Variants in IMPG2 observed in about 807,000 individuals in gnomAD.
IMPG2 encodes interphotoreceptor matrix proteoglycan 2, also known as IPM 200.
Under a neutral mutation model 129.2 loss-of-function variants are expected in IMPG2, and 91 were observed. That is an observed-to-expected ratio of 0.70 (90% confidence interval 0.59 to 0.84). IMPG2 has a LOEUF of 0.84. Ranked by LOEUF, IMPG2 falls within the 40% of genes least tolerant of loss-of-function variation. The probability of loss-of-function intolerance (pLI) is 0.00; values close to 1 mark genes in which losing one functional copy is unlikely to be tolerated. For missense variants in IMPG2, 1,430 were observed against 1,461.7 expected, an observed-to-expected ratio of 0.98 and a Z score of 0.35; for synonymous variants, 510 against 517.7, an observed-to-expected ratio of 0.99 and a Z score of 0.20.
chr3:101,267,581 T>C (rs972804490), intron 8 of IMPG2, 50 bp from the exon 9 acceptor site: 3 of 1,425,954 alleles, frequency 2.1e-6, no homozygotes, highest in Non-Finnish European at 3.0e-6. Context: ...CAGTTATTAT[T>C]GTCACATCAT....
intron 10 of IMPG2, among the ~76,000 whole-genome samples, chr3:101,254,775 C>T (rs1240576114): frequency 1.3e-5 from 2 of 151,998 alleles, no homozygotes; most frequent in Non-Finnish European, 2.9e-5. Context: ...TGTTGAATTG[C>T]GATCCCAAGC....
rs982363247 is a variant in IMPG2, at chr3:101,253,795, A to G, written c.1154-14T>C. The G allele has an allele frequency of 1.3e-6, 2 of 1,578,952 alleles. No individual in the cohort carries two copies. ...AAACTCCTCTCACTGAGGAAAGAAC[A>G]ATATTAAAGAACATTTTTAGATGAG... On this transcript the variant is annotated splice_polypyrimidine_tract_variant and intron_variant, in intron 10 of 18. Transcript: ENST00000193391.
intron 2 of IMPG2, among the ~76,000 whole-genome samples, chr3:101,307,593 T>C (rs1260113205): frequency 6.6e-6 from 1 of 152,184 alleles, no homozygotes; most frequent in Admixed American, 6.5e-5. Context: ...TTGCTCATTA[T>C]CATGAAAACA....
At chr3:101,313,683 G>C (rs2058768144) in intron 2 of IMPG2, among the ~76,000 whole-genome samples, 1 of 151,906 alleles carries the variant, frequency 6.6e-6, no homozygotes, top group Non-Finnish European at 1.5e-5. Flanking sequence ...TCTTTTTTTA[G>C]TGTAATATAT....
intron 11 of IMPG2, among the ~76,000 whole-genome samples, chr3:101,249,136 A>G (rs1195827959): frequency 2.0e-5 from 3 of 152,052 alleles, no homozygotes; most frequent in African/African-American, 7.2e-5. Context: ...CTGTAATCCA[A>G]TGGATGGTAG....
At chr3:101,285,239 T>C (rs1328202029) in intron 4 of IMPG2, among the ~76,000 whole-genome samples, 1 of 152,222 alleles carries the variant, frequency 6.6e-6, no homozygotes, top group Non-Finnish European at 1.5e-5. Flanking sequence ...TCCATTCCTC[T>C]ACTGGTCCAT....
chr3:101,229,138 C>CAAAAAAAAAAAAA (rs36091939), intron 17 of IMPG2, among the ~76,000 whole-genome samples: 1 of 132,938 alleles, frequency 7.5e-6, no homozygotes. Context: ...GTTAATAACG[C>CAAAAAAAAAAAAA]AAAAAAAAAA....
At chr3:101,259,718 G>C (rs895151404) in intron 9 of IMPG2, among the ~76,000 whole-genome samples, 15 of 152,066 alleles carry the variant, frequency 9.9e-5, no homozygotes, top group African/African-American at 3.6e-4. Flanking sequence ...TATGTTACTA[G>C]TTAGTGGAAA....
intron 10 of IMPG2, 32 bp downstream of exon 10, chr3:101,257,497 T>C (rs776980817): frequency 6.2e-7 from 1 of 1,611,740 alleles, no homozygotes; most frequent in Admixed American, 1.7e-5. Context: ...AAAGAAACTA[T>C]ACAAGGACTT....
Position 101,304,283 on chromosome 3 carries a change from T to C in IMPG2, c.364A>G (p.Arg122Gly). ...CCAGGAAGTCGATCCCAAAAAGTCC[T>C]GAAGGCTTCCCAGACAGCTTCCTGA... ...VCQEAVWEAF[R>G]TFWDRLPGRE... Residue 122 changes from arginine (R) to glycine (G), a missense_variant, in exon 3 of 19, where the codon AGG becomes GGG. Physicochemically the swap from Arg to Gly is moderately radical, Grantham distance 125. Transcript: ENST00000193391. 1 of 1,613,926 alleles carries C rather than the reference T, an allele frequency of 6.2e-7. No individual in the cohort carries two copies. Among genetic ancestry groups the C allele is most frequent in the East Asian group, 2.2e-5 (1 of 44,884 alleles).
intron 10 of IMPG2, 59 bp from the exon 11 acceptor site, chr3:101,253,840 G>A (rs549954979): frequency 3.4e-6 from 4 of 1,192,684 alleles, no homozygotes; most frequent in Non-Finnish European, 4.9e-6. Context: ...TATTTGAGGT[G>A]CAGGGACAAC....
At chr3:101,257,472 C>T (rs1706622869) in intron 10 of IMPG2, 57 bp downstream of exon 10, 4 of 1,600,876 alleles carry the variant, frequency 2.5e-6, no homozygotes, top group African/African-American at 1.3e-5. Context: ...TTAGTTTACA[C>T]CAGAGCATAC....
intron 18 of IMPG2, among the ~76,000 whole-genome samples, chr3:101,228,275 T>C (rs1706245160): frequency 6.6e-6 from 1 of 152,226 alleles, no homozygotes; most frequent in South Asian, 2.1e-4. Context: ...ATGAGATTTG[T>C]AATTCAAAGC....
intron 4 of IMPG2, among the ~76,000 whole-genome samples, chr3:101,285,018 TAAC>T (rs1171620027): frequency 6.6e-6 from 1 of 152,220 alleles, no homozygotes; most frequent in Non-Finnish European, 1.5e-5. Context: ...TTCTGTCACT[TAAC>T]GACTGGAATT....
chr3:101,223,417 C>A lies in IMPG2; in HGVS notation c.*3552G>T, dbSNP rs1386961851. 1 of 152,194 alleles carries A rather than the reference C, an allele frequency of 6.6e-6. No homozygotes were observed. Among genetic ancestry groups the A allele is most frequent in the African/African-American group, 2.4e-5 (1 of 41,436 alleles). 9.4% of individuals were successfully genotyped at this position (152,194 alleles called of 1,614,324 possible). A position where few individuals can be genotyped will look rare whatever the true frequency, so the allele number is the denominator to read the frequency against. The stretch of plus-strand genomic sequence containing the variant: ...TTTAATAGTTATTCTACTTCATTAG[C>A]TCTTTCATTATGGAATAAATATGTT... On this transcript the variant is annotated 3_prime_UTR_variant, in exon 19 of 19. Transcript: ENST00000193391.
At position 101,232,791 on chromosome 3, in the gene IMPG2, C is replaced by T. The variant is rs1310427810; in HGVS notation, c.3223G>A (p.Ala1075Thr). Residue 1075 changes from alanine (A) to threonine (T), a missense_variant, in exon 15 of 19, where the codon GCC becomes ACC. Transcript: ENST00000193391. Reference sequence around the variant, plus strand: ...GTAACTACAACATACCTACAAATGGCCCCGTGCCCAGGCATAATGTCACAC... The same window carrying T: ...GTAACTACAACATACCTACAAATGGTCCCGTGCCCAGGCATAATGTCACAC... ...GKCDIMPGHG[A>T]ICRCRVGENW... 1 of 1,613,558 alleles carries T rather than the reference C, an allele frequency of 6.2e-7. No individual in the cohort carries two copies. Among genetic ancestry groups the T allele is most frequent in the Non-Finnish European group, 8.5e-7 (1 of 1,179,836 alleles).
rs1388754876 is a variant in IMPG2 at position 101,226,148 on chromosome 3, G to A, written c.*821C>T. ...AAACAAAATATATTCTCAGCACTGG[G>A]GTCTTGACCCGACACTCACTCCCTC... On this transcript the variant is annotated 3_prime_UTR_variant, in exon 19 of 19. Coordinates refer to ENST00000193391, the MANE Select transcript of IMPG2 (RefSeq NM_016247.4). 1.3e-5 allele frequency: 2 copies of A among 150,482 alleles called. No individual in the cohort carries two copies. The highest frequency in any genetic ancestry group is 5.0e-5 in the African/African-American group (2 of 39,812). 9.3% of individuals were successfully genotyped at this position (150,482 alleles called of 1,614,324 possible).
At chr3:101,251,028 T>G (rs958049407) in intron 11 of IMPG2, among the ~76,000 whole-genome samples, 1 of 152,142 alleles carries the variant, frequency 6.6e-6, no homozygotes, top group Non-Finnish European at 1.5e-5. Flanking sequence ...TAAAACTACT[T>G]CCAGAGATGT....
chr3:101,270,251 T>G (rs1052655050), intron 7 of IMPG2, among the ~76,000 whole-genome samples: 1 of 152,078 alleles, frequency 6.6e-6, no homozygotes, highest in Admixed American at 6.5e-5. Flanking sequence ...TTGTTTGGAT[T>G]TGGAATCTGG....
Sources: allele counts gnomAD v4.1 joint callset (sites outside exome capture counted in the v4.1 genomes callset), GRCh38; gene constraint gnomAD v4.1.1; transcripts MANE v1.5; gene names NCBI Gene and HGNC (gene_info 2026-07-23, HGNC 2026-07-21).